DCC: variants seen among roughly 807,000 people sequenced by gnomAD.
The protein encoded by DCC is DCC netrin 1 receptor, also known as netrin receptor DCC.
DCC carries 58 observed loss-of-function variants against 172.5 expected under a neutral mutation model. That is an observed-to-expected ratio of 0.34 (90% CI 0.27 to 0.42). The LOEUF (loss-of-function observed/expected upper bound fraction) is 0.42, where lower values mean the gene tolerates loss of function less well. DCC is among the 10% of genes least tolerant of loss of function. DCC has a pLI of 1.00. For missense variants in DCC, 1,740 were observed against 1,791.0 expected (o/e 0.97, Z 0.51); for synonymous variants, 709 against 644.5 (o/e 1.10, Z -1.52).
chr18:52,785,376 A>G (rs2037636538), intron 2 of DCC, among the ~76,000 whole-genome samples: 2 of 152,056 alleles, frequency 1.3e-5, no homozygotes, highest in Non-Finnish European at 2.9e-5. Context: ...TTCATTAAAG[A>G]GAAAAGCATT....
Position 52,353,461 on chromosome 18 carries a change from T to G in DCC, c.91+12583T>G, listed in dbSNP as rs1474155555. 2.6e-5 allele frequency among the ~76,000 whole-genome samples: 4 copies of G among 152,308 alleles called. No homozygotes were observed. In the South Asian group the frequency reaches 8.3e-4, roughly 32 times the overall value. Reference sequence around the variant, plus strand: ...CTCCTCTGTGTCCCAAGTCTGATGCTGAGAGCACACACATGCTCAAAGTGA... The same window carrying G: ...CTCCTCTGTGTCCCAAGTCTGATGCGGAGAGCACACACATGCTCAAAGTGA... On this transcript the variant is annotated intron_variant, in intron 1 of 28. Coordinates refer to ENST00000442544, the MANE Select transcript of DCC (RefSeq NM_005215.4).
intron 9 of DCC, among the ~76,000 whole-genome samples, chr18:53,187,038 G>A (rs764391558): frequency 6.6e-5 from 10 of 152,006 alleles, no homozygotes; most frequent in Non-Finnish European, 1.3e-4. Flanking sequence ...TATAATATTT[G>A]CATTGGGGTT....
At position 52,918,194 on chromosome 18, in the gene DCC, C is replaced by T. The variant is rs2040069103; in HGVS notation, c.698-5513C>T. Among the ~76,000 whole-genome samples the T allele has an allele frequency of 2.0e-5, 3 of 152,174 alleles. No individual in the cohort carries two copies. In the South Asian group the frequency reaches 6.2e-4, roughly 32 times the overall value. On this transcript the variant is annotated intron_variant, in intron 3 of 28. Transcript: ENST00000442544. Reference sequence around the variant, plus strand: ...AACATTACAAATTTGCATTCTGATACCCTCTCCTGTAATTGAACTATGTTC... The same window carrying T: ...AACATTACAAATTTGCATTCTGATATCCTCTCCTGTAATTGAACTATGTTC...
At chr18:53,464,446 G>A (rs1158850775) in intron 24 of DCC, among the ~76,000 whole-genome samples, 1 of 152,004 alleles carries the variant, frequency 6.6e-6, no homozygotes, top group African/African-American at 2.4e-5. Flanking sequence ...ATTAAATCCT[G>A]TATTTAAATT....
chr18:53,225,667 G>A (rs1403218980), intron 12 of DCC, among the ~76,000 whole-genome samples: 4 of 152,134 alleles, frequency 2.6e-5, no homozygotes, highest in Non-Finnish European at 5.9e-5. Flanking sequence ...GTGGAAAATG[G>A]TTATCTCAGA....
rs535922812 is a variant in DCC at position 53,259,271 on chromosome 18, T to G, written c.1911+43674T>G. On this transcript the variant is annotated intron_variant, in intron 12 of 28. Coordinates refer to ENST00000442544, the MANE Select transcript of DCC (RefSeq NM_005215.4). ...TGTCATTATGATGTTAGCTGGTTAT[T>G]TTGCTCATTAGTTGATGCCGTTTCT... Among the ~76,000 whole-genome samples the G allele has an allele frequency of 8.5e-5, 13 of 152,266 alleles. No individual in the cohort carries two copies. The East Asian group carries it at 2.5e-3, about 29-fold the overall frequency.
At chr18:52,353,174 A>G (rs1984201900) in intron 1 of DCC, among the ~76,000 whole-genome samples, 1 of 152,182 alleles carries the variant, frequency 6.6e-6, no homozygotes, top group African/African-American at 2.4e-5. Context: ...AGCGGCAAAT[A>G]TATTTCATGG....
chr18:52,962,061 G>A (rs1049073290), intron 5 of DCC, among the ~76,000 whole-genome samples: 1 of 151,868 alleles, frequency 6.6e-6, no homozygotes, highest in Non-Finnish European at 1.5e-5. Flanking sequence ...AGGACTTCAT[G>A]TCTAAAACAC....
intron 1 of DCC, among the ~76,000 whole-genome samples, chr18:52,352,625 G>A (rs1400257468): frequency 6.6e-6 from 1 of 152,096 alleles, no homozygotes; most frequent in Non-Finnish European, 1.5e-5. Flanking sequence ...ATACTTGCTT[G>A]GTTAATGTGC....
At chr18:53,380,197 T>C (rs775879077) in intron 15 of DCC, among the ~76,000 whole-genome samples, 56 of 152,182 alleles carry the variant, frequency 3.7e-4, no homozygotes, top group Non-Finnish European at 5.9e-5. Context: ...GGCAATTCTT[T>C]TGTGATTTAC....
chr18:52,393,716 G>A (rs1306246292), intron 1 of DCC, among the ~76,000 whole-genome samples: 1 of 152,064 alleles, frequency 6.6e-6, no homozygotes, highest in African/African-American at 2.4e-5. Context: ...CACAAAGTTA[G>A]TCTAGAACCA....
At chr18:52,644,596 A>AAG in intron 1 of DCC, among the ~76,000 whole-genome samples, 1 of 149,218 alleles carries the variant, frequency 6.7e-6, no homozygotes, top group East Asian at 2.0e-4. Flanking sequence ...AAAAAAAAAA[A>AAG]TTAGTGTGTA....
chr18:52,912,741 TAAGAG>T (rs1440946268), intron 3 of DCC, among the ~76,000 whole-genome samples: 1 of 152,026 alleles, frequency 6.6e-6, no homozygotes, highest in Non-Finnish European at 1.5e-5. Context: ...CCTTATCTGT[TAAGAG>T]AAAAGGGTGG....
intron 1 of DCC, among the ~76,000 whole-genome samples, chr18:52,731,553 A>G (rs1304476553): frequency 1.3e-5 from 2 of 152,214 alleles, no homozygotes; most frequent in Non-Finnish European, 2.9e-5. Flanking sequence ...TTCTCTTTAC[A>G]TATACAAGCA....
intron 5 of DCC, among the ~76,000 whole-genome samples, chr18:53,045,580 A>G (rs1439553225): frequency 6.6e-6 from 1 of 151,854 alleles, no homozygotes; most frequent in African/African-American, 2.4e-5. Flanking sequence ...TATTTACAAT[A>G]TGCAAGGTCC....
At chr18:52,710,166 G>GA (rs2145053422) in intron 1 of DCC, among the ~76,000 whole-genome samples, 1 of 152,268 alleles carries the variant, frequency 6.6e-6, no homozygotes, top group South Asian at 2.1e-4. Context: ...ATTTTTAACT[G>GA]AAAAAATGGG....
At chr18:52,905,885 C>G (rs2039874934) in intron 2 of DCC, among the ~76,000 whole-genome samples, 159 bp from the exon 3 acceptor site, 1 of 152,162 alleles carries the variant, frequency 6.6e-6, no homozygotes, top group South Asian at 2.1e-4. Flanking sequence ...TAGTGCCAGA[C>G]AGAAAATGTG....
At chr18:52,549,460 C>T (rs985006580) in intron 1 of DCC, among the ~76,000 whole-genome samples, 35 of 152,116 alleles carry the variant, frequency 2.3e-4, no homozygotes, top group African/African-American at 6.7e-4. Context: ...TTTCCCCCTC[C>T]GACTAATTTG....
chr18:53,057,406 T>TA (rs1293155181), intron 5 of DCC, among the ~76,000 whole-genome samples: 2 of 152,130 alleles, frequency 1.3e-5, no homozygotes, highest in African/African-American at 4.8e-5. Context: ...TAAACACTTT[T>TA]AAAAAACAGA....
Sources: gnomAD v4.1 joint callset for allele counts (sites outside exome capture counted in the v4.1 genomes callset) on GRCh38, gnomAD v4.1.1 for gene constraint, MANE v1.5 for transcripts, NCBI Gene and HGNC (gene_info 2026-07-23, HGNC 2026-07-21) for gene names.